Variants in TTLL9 observed in about 807,000 individuals in gnomAD.
The protein encoded by TTLL9 is tubulin tyrosine ligase like 9, also known as probable tubulin polyglutamylase TTLL9.
Under a neutral mutation model 65.6 loss-of-function variants are expected in TTLL9, and 47 were observed. The ratio of observed to expected loss-of-function variants is 0.72; its 90% CI spans 0.57 to 0.91. The LOEUF is 0.91. Ranked by LOEUF, TTLL9 falls within the 40% of genes least tolerant of loss-of-function variation. The probability of loss-of-function intolerance (pLI) is 0.00; values close to 1 mark genes in which losing one functional copy is unlikely to be tolerated. For synonymous variants in TTLL9, 179 were observed against 204.8 expected (o/e 0.87, Z 1.07); for missense variants, 537 against 568.8 (o/e 0.94, Z 0.57).
At chr20:31,935,834 T>C (rs775968182) in intron 12 of TTLL9, among the ~76,000 whole-genome samples, 8 of 152,132 alleles carry the variant, frequency 5.3e-5, no homozygotes, top group Non-Finnish European at 1.0e-4. Context: ...CCCTAAACAA[T>C]TGCCCTCAGT....
At chr20:31,934,358 C>T (rs193284652) in intron 11 of TTLL9, 1 of 532,052 alleles carries the variant, frequency 1.9e-6, no homozygotes, top group African/African-American at 1.9e-5. Context: ...CATACACAGC[C>T]CTGAAAATGG....
chr20:31,905,319 C>A (rs184610154), intron 4 of TTLL9, among the ~76,000 whole-genome samples: 1 of 152,056 alleles, frequency 6.6e-6, no homozygotes, highest in Non-Finnish European at 1.5e-5. Context: ...AGGTGATCCA[C>A]ACGCCTCGGC....
chr20:31,924,921 G>A, intron 8 of TTLL9, 88 bp from the exon 9 acceptor site: 2 of 1,456,914 alleles, frequency 1.4e-6, no homozygotes, highest in Middle Eastern at 1.7e-4. Flanking sequence ...GGGGTTTCCT[G>A]TCTGTCCACT....
Position 31,919,906 on chromosome 20 carries a change from C to A in TTLL9, c.547C>A (p.Leu183Met). 6.3e-7 allele frequency: 1 copy of A among 1,593,966 alleles called. No homozygotes were observed. Among genetic ancestry groups the A allele is most frequent in the South Asian group, 1.1e-5 (1 of 88,362 alleles). Reference sequence around the variant, plus strand: ...GAAAGGCATCTTCCTCTTCCGTAGGCTGAAGGACATCGTGGACTGGAGGAA... The same window carrying A: ...GAAAGGCATCTTCCTCTTCCGTAGGATGAAGGACATCGTGGACTGGAGGAA... ...QGKGIFLFRR[L>M]KDIVDWRKDT... The change falls in exon 7 of 15, where the codon CTG (leucine) becomes ATG (methionine). Residue 183 changes from leucine (L) to methionine (M), a missense_variant. Leu to Met is a conservative substitution (Grantham distance 15, BLOSUM62 2). Around this residue, in one of 3 missense-constraint regions of TTLL9, gnomAD observed 320 missense variants for 311.0 expected, o/e 1.03. Transcript: ENST00000535842.
At chr20:31,907,738 A>C (rs1243927455) in intron 4 of TTLL9, among the ~76,000 whole-genome samples, 4 of 152,120 alleles carry the variant, frequency 2.6e-5, no homozygotes, top group South Asian at 2.1e-4. Context: ...GAAAAAAAAA[A>C]AACCACTGCA....
chr20:31,882,769 T>A (rs1305341240), intron 2 of TTLL9, among the ~76,000 whole-genome samples: 4 of 152,180 alleles, frequency 2.6e-5, no homozygotes, highest in African/African-American at 7.2e-5. Context: ...TGAGATTTCT[T>A]GAAAAGCTTA....
chr20:31,940,723 G>C (rs1385464107), intron 14 of TTLL9: 1 of 152,258 alleles, frequency 6.6e-6, no homozygotes, highest in Non-Finnish European at 1.5e-5. Flanking sequence ...GATACTGGCT[G>C]TCAGTTGGGC....
chr20:31,927,690 G>A (rs1402105345), intron 10 of TTLL9, among the ~76,000 whole-genome samples: 1 of 152,138 alleles, frequency 6.6e-6, no homozygotes, highest in African/African-American at 2.4e-5. Context: ...CAGAAGAAAA[G>A]AGGTAGACAA....
chr20:31,907,499 A>G (rs1156917926), intron 4 of TTLL9, among the ~76,000 whole-genome samples: 1 of 152,230 alleles, frequency 6.6e-6, no homozygotes, highest in Non-Finnish European at 1.5e-5. Context: ...AGGTAGGTGG[A>G]TCACCTGAGG....
chr20:31,926,230 T>G, intron 10 of TTLL9, 139 bp downstream of exon 10: 1 of 666,058 alleles, frequency 1.5e-6, no homozygotes, highest in Non-Finnish European at 2.8e-6. Context: ...ATGCCTAACA[T>G]TCACATTTAC....
intron 6 of TTLL9, among the ~76,000 whole-genome samples, chr20:31,912,191 G>A (rs1234595742): frequency 6.6e-6 from 1 of 152,100 alleles, no homozygotes; most frequent in Non-Finnish European, 1.5e-5. Flanking sequence ...TGTTATTTCC[G>A]AGTCCAGGAA....
chr20:31,888,234 A>C (rs2063228353), intron 3 of TTLL9, among the ~76,000 whole-genome samples: 1 of 152,084 alleles, frequency 6.6e-6, no homozygotes, highest in Non-Finnish European at 1.5e-5. Context: ...ACCACTGAGG[A>C]GGGCATGTGT....
chr20:31,931,242 G>A (rs2064004343), intron 10 of TTLL9, among the ~76,000 whole-genome samples: 1 of 151,770 alleles, frequency 6.6e-6, no homozygotes. Context: ...ACCATGCCCA[G>A]CTAATTTTTA....
Position 31,878,279 on chromosome 20 carries a change from T to C in TTLL9, c.69+7084T>C, listed in dbSNP as rs117063498. ...GATTTTTAAATGCAGACAGTTCTGA[T>C]GGACATCTATTTCAGAAGGGAAGAA... On this transcript the variant is annotated intron_variant, in intron 2 of 14. Transcript: ENST00000535842. Among the ~76,000 whole-genome samples the C allele has an allele frequency of 4.3e-3, 657 of 152,372 alleles. 1 individual carries two copies. Among genetic ancestry groups the C allele is most frequent in the Non-Finnish European group, 6.7e-3 (458 of 68,034 alleles).
chr20:31,903,893 C>T (rs139311267), intron 4 of TTLL9, among the ~76,000 whole-genome samples: 59 of 152,240 alleles, frequency 3.9e-4, no homozygotes, highest in Non-Finnish European at 7.6e-4. Flanking sequence ...AGTTTTTTTC[C>T]ACTAACATCC....
chr20:31,933,852 AAAG>A lies in TTLL9; in HGVS notation c.805_807del (p.Lys269del), dbSNP rs2064060137. On this transcript the variant is annotated inframe_deletion, in exon 11 of 15. Transcript: ENST00000535842. Reference sequence around the variant, plus strand: ...AAAAAACATCTCCCGACTACCACCCAAAGAAGGTGAGGAAGCCGGGCTCGGCTA... The same window carrying A: ...AAAAAACATCTCCCGACTACCACCCAAAGGTGAGGAAGCCGGGCTCGGCTA... 10 of 1,614,036 alleles carry A rather than the reference AAAG, an allele frequency of 6.2e-6. No homozygotes were observed. The highest frequency in any genetic ancestry group is 8.5e-6 in the Non-Finnish European group (10 of 1,179,938).
intron 3 of TTLL9, among the ~76,000 whole-genome samples, chr20:31,889,986 CT>C (rs1568751826): frequency 8.3e-6 from 1 of 120,288 alleles, no homozygotes. Flanking sequence ...TTCTTTCTTT[CT>C]TTCTTTCTTT....
intron 10 of TTLL9, among the ~76,000 whole-genome samples, chr20:31,931,667 A>T (rs2064014953): frequency 6.6e-6 from 1 of 152,216 alleles, no homozygotes; most frequent in East Asian, 1.9e-4. Flanking sequence ...AATTATACTG[A>T]GCACCTTTTA....
intron 6 of TTLL9, among the ~76,000 whole-genome samples, chr20:31,914,655 A>G (rs2063707427): frequency 6.6e-6 from 1 of 152,128 alleles, no homozygotes; most frequent in African/African-American, 2.4e-5. Context: ...GCCTCCAAGG[A>G]AGCGAAGAAA....
Sources: allele counts gnomAD v4.1 joint callset (sites outside exome capture counted in the v4.1 genomes callset), GRCh38; gene constraint gnomAD v4.1.1; regional missense constraint gnomAD v4.1.1; transcripts MANE v1.5; gene names NCBI Gene and HGNC (gene_info 2026-07-23, HGNC 2026-07-21).